Variants in FSTL5 observed in about 807,000 individuals in gnomAD.
FSTL5 encodes follistatin-related protein 5.
A neutral mutation model predicts 89.1 loss-of-function variants in FSTL5; 62 were observed. That is an observed-to-expected ratio of 0.70 (90% CI 0.57 to 0.86). The LOEUF is 0.86. FSTL5 is among the 40% of genes least tolerant of loss of function. The pLI, the probability that FSTL5 is intolerant of heterozygous loss-of-function variation, is 0.00. For synonymous variants in FSTL5, 383 were observed against 346.2 expected, an observed-to-expected ratio of 1.11 and a Z score of -1.18; for missense variants, 1,057 against 1,001.6, an observed-to-expected ratio of 1.06 and a Z score of -0.75.
At chr4:161,453,569 G>A (rs1733245839) in intron 15 of FSTL5, among the ~76,000 whole-genome samples, 2 of 152,062 alleles carry the variant, frequency 1.3e-5, no homozygotes, top group South Asian at 4.2e-4. Flanking sequence ...TCAATAATTT[G>A]TTTTCCACAA....
intron 1 of FSTL5, among the ~76,000 whole-genome samples, chr4:162,132,945 T>C (rs1210136929): frequency 1.3e-5 from 2 of 151,622 alleles, no homozygotes; most frequent in Non-Finnish European, 3.0e-5. Flanking sequence ...GTAATGTAAT[T>C]TTTTTTTCTT....
intron 6 of FSTL5, among the ~76,000 whole-genome samples, chr4:161,708,739 C>A (rs72689125): frequency 0.011 from 1,735 of 152,158 alleles, 14 homozygotes; most frequent in Non-Finnish European, 0.019. Context: ...ATTGGAGCTA[C>A]AAAGATGAAT....
intron 4 of FSTL5, among the ~76,000 whole-genome samples, chr4:161,898,312 G>A (rs978222030): frequency 3.3e-5 from 5 of 151,326 alleles, no homozygotes; most frequent in African/African-American, 4.9e-5. Context: ...AATCTTCATC[G>A]CATTCAATTT....
rs144997977 is a variant in FSTL5 at position 161,655,116 on chromosome 4, T to C, written c.894+1212A>G. ...ATTATGACATGTTGAAAGCAAAAAG[T>C]GTCTTTATTGTCTTTTGATTTTTCA... On this transcript the variant is annotated intron_variant, in intron 7 of 15. Transcript: ENST00000306100. Among the ~76,000 whole-genome samples the C allele has an allele frequency of 6.0e-3, 915 of 152,228 alleles. 9 individuals are homozygous for C. The highest frequency in any genetic ancestry group is 0.045 in the South Asian group (218 of 4,828).
intron 6 of FSTL5, among the ~76,000 whole-genome samples, chr4:161,737,954 C>A (rs74852516): frequency 0.012 from 1,769 of 151,870 alleles, 42 homozygotes; most frequent in South Asian, 0.07. Flanking sequence ...AGTGATTTTC[C>A]GAGTTTTAGG....
chr4:162,143,744 A>AC (rs1241228607), intron 1 of FSTL5, among the ~76,000 whole-genome samples: 9 of 21,544 alleles, frequency 4.2e-4, no homozygotes, highest in African/African-American at 1.0e-3. Flanking sequence ...ACACACACAC[A>AC]CACACCCAGG....
At chr4:161,820,118 T>A (rs1361808923) in intron 4 of FSTL5, among the ~76,000 whole-genome samples, 1 of 152,138 alleles carries the variant, frequency 6.6e-6, no homozygotes, top group Non-Finnish European at 1.5e-5. Context: ...TCACAAAAAT[T>A]CACCAGAATT....
At chr4:161,965,978 T>A (rs539935830) in intron 3 of FSTL5, among the ~76,000 whole-genome samples, 32 of 152,270 alleles carry the variant, frequency 2.1e-4, no homozygotes, top group Admixed American at 1.9e-3. Flanking sequence ...TTAAAACAGC[T>A]GGGACTTAGT....
chr4:161,803,868 T>C (rs1414138020), intron 4 of FSTL5, among the ~76,000 whole-genome samples: 1 of 152,052 alleles, frequency 6.6e-6, no homozygotes, highest in African/African-American at 2.4e-5. Flanking sequence ...GCTTTGAGCT[T>C]CACAAAGTTA....
chr4:161,386,609 C>G (rs979083183), intron 15 of FSTL5, 160 bp from the exon 16 acceptor site: 10 of 583,746 alleles, frequency 1.7e-5, no homozygotes, highest in African/African-American at 1.7e-4. Flanking sequence ...TAGATTGTGC[C>G]ACTCTCCTTC....
intron 4 of FSTL5, among the ~76,000 whole-genome samples, chr4:161,917,858 G>A (rs572891884): frequency 2.0e-5 from 3 of 151,942 alleles, no homozygotes; most frequent in Non-Finnish European, 2.9e-5. Context: ...AAAACATTAC[G>A]GAAAAATAGA....
At chr4:162,161,491 A>C (rs1561052981) in intron 1 of FSTL5, among the ~76,000 whole-genome samples, 1 of 152,026 alleles carries the variant, frequency 6.6e-6, no homozygotes, top group South Asian at 2.1e-4. Context: ...TTACATTTGC[A>C]ATCTCACTGA....
intron 3 of FSTL5, among the ~76,000 whole-genome samples, chr4:161,948,865 T>TTTTTTTTTTTTTTTTTTTG (rs1335566727): frequency 6.6e-6 from 1 of 152,198 alleles, no homozygotes; most frequent in African/African-American, 2.4e-5. Flanking sequence ...TAGTGATTTT[T>TTTTTTTTTTTTTTTTTTTG]AAAATTATTT....
chr4:162,150,315 T>C (rs898351441), intron 1 of FSTL5, among the ~76,000 whole-genome samples: 2 of 152,150 alleles, frequency 1.3e-5, no homozygotes, highest in African/African-American at 4.8e-5. Flanking sequence ...GAGAAACATG[T>C]GTGCTTCCTG....
chr4:161,534,887 G>A (rs1363958103), intron 10 of FSTL5, among the ~76,000 whole-genome samples: 2 of 151,992 alleles, frequency 1.3e-5, no homozygotes, highest in Non-Finnish European at 2.9e-5. Context: ...ATAGAGCAAT[G>A]GAATGAAACA....
chr4:161,998,471 C>G (rs1477874923), intron 3 of FSTL5, among the ~76,000 whole-genome samples: 1 of 152,132 alleles, frequency 6.6e-6, no homozygotes, highest in East Asian at 1.9e-4. Flanking sequence ...TAGGAAGACT[C>G]TCCTGTAATT....
At chr4:161,676,115 A>G (rs139565536) in intron 6 of FSTL5, among the ~76,000 whole-genome samples, 1 of 152,260 alleles carries the variant, frequency 6.6e-6, no homozygotes, top group African/African-American at 2.4e-5. Flanking sequence ...TATATCATAG[A>G]AACCTTGATT....
chr4:162,123,717 C>G (rs1194974623), intron 1 of FSTL5, among the ~76,000 whole-genome samples: 1 of 152,038 alleles, frequency 6.6e-6, no homozygotes, highest in Non-Finnish European at 1.5e-5. Context: ...GGTCAGAACC[C>G]AAGTCATGAG....
chr4:161,828,589 T>A (rs908080932), intron 4 of FSTL5, among the ~76,000 whole-genome samples: 2 of 152,150 alleles, frequency 1.3e-5, no homozygotes, highest in African/African-American at 4.8e-5. Context: ...TTTAGGAAAA[T>A]GTCATTGATG....
Sources: allele counts gnomAD v4.1 joint callset (sites outside exome capture counted in the v4.1 genomes callset), GRCh38; gene constraint gnomAD v4.1.1; transcripts MANE v1.5; gene names NCBI Gene and HGNC (gene_info 2026-07-23, HGNC 2026-07-21).